The following FAM227B variants were observed in gnomAD, a reference collection of about 807,000 sequenced individuals.
FAM227B encodes the protein protein FAM227B.
A neutral mutation model predicts 73.8 loss-of-function variants in FAM227B; 88 were observed. That is an observed-to-expected ratio of 1.19 (90% CI 1.00 to 1.42). The LOEUF (loss-of-function observed/expected upper bound fraction) is 1.42, where lower values mean the gene tolerates loss of function less well. FAM227B is among the 40% of genes most tolerant of loss of function. The pLI is 0.00. For synonymous variants in FAM227B, 210 were observed against 190.5 expected (o/e 1.10, Z -0.84); for missense variants, 632 against 590.9 (o/e 1.07, Z -0.72).
intron 13 of FAM227B, among the ~76,000 whole-genome samples, chr15:49,358,891 T>A (rs2043669621): frequency 1.4e-5 from 2 of 147,860 alleles, no homozygotes; most frequent in South Asian, 4.3e-4. Flanking sequence ...AAAACAGAGA[T>A]ATAGATCAAT....
chr15:49,429,121 C>T (rs2050373383), intron 11 of FAM227B, among the ~76,000 whole-genome samples: 1 of 151,920 alleles, frequency 6.6e-6, no homozygotes, highest in Non-Finnish European at 1.5e-5. Flanking sequence ...AACAATAATT[C>T]ACATTATCAG....
At chr15:49,539,311 C>T (rs1406806515) in intron 10 of FAM227B, among the ~76,000 whole-genome samples, 1 of 152,194 alleles carries the variant, frequency 6.6e-6, no homozygotes, top group Admixed American at 6.5e-5. Flanking sequence ...TGGGATCTTA[C>T]TAATCTCTTT....
chr15:49,453,673 A>G (rs925610291), intron 11 of FAM227B, among the ~76,000 whole-genome samples: 1 of 152,152 alleles, frequency 6.6e-6, no homozygotes, highest in Admixed American at 6.6e-5. Context: ...CATGACTTCA[A>G]TTATGACCCA....
At chr15:49,610,837 G>A (rs1055387930) in intron 3 of FAM227B, among the ~76,000 whole-genome samples, 28 of 152,112 alleles carry the variant, frequency 1.8e-4, no homozygotes, top group African/African-American at 6.3e-4. Flanking sequence ...CAATAATCAA[G>A]GAATATTGAT....
intron 13 of FAM227B, among the ~76,000 whole-genome samples, chr15:49,341,469 C>T (rs370994868): frequency 7.2e-5 from 11 of 152,152 alleles, no homozygotes; most frequent in African/African-American, 2.7e-4. Flanking sequence ...GATCTTGCAC[C>T]TCCTGGGTTA....
At chr15:49,593,636 T>C (rs1598436436) in intron 3 of FAM227B, among the ~76,000 whole-genome samples, 1 of 151,930 alleles carries the variant, frequency 6.6e-6, no homozygotes, top group Non-Finnish European at 1.5e-5. Flanking sequence ...AACATTCTTA[T>C]GCTTTTGTGT....
chr15:49,373,581 C>G (rs2045977920), intron 11 of FAM227B, among the ~76,000 whole-genome samples: 1 of 152,076 alleles, frequency 6.6e-6, no homozygotes, highest in Non-Finnish European at 1.5e-5. Flanking sequence ...CTTACTAAGT[C>G]TCCAGAAATT....
chr15:49,515,830 C>T (rs1019905880), intron 10 of FAM227B, among the ~76,000 whole-genome samples: 1 of 152,156 alleles, frequency 6.6e-6, no homozygotes, highest in Non-Finnish European at 1.5e-5. Flanking sequence ...TTATACACTA[C>T]TTTCCCCTCT....
At chr15:49,465,388 G>A (rs904812523) in intron 11 of FAM227B, among the ~76,000 whole-genome samples, 2 of 150,838 alleles carry the variant, frequency 1.3e-5, no homozygotes, top group African/African-American at 2.4e-5. Context: ...TGCCCACCTC[G>A]GCCTCCCAAA....
In FAM227B at chr15:49,365,143, A is replaced by G. The variant is rs193211071; in HGVS notation, c.1271+2305T>C. On this transcript the variant is annotated intron_variant, in intron 13 of 15. Transcript: ENST00000299338. ...AATATTATTGCTGGACAATCTGTTC[A>G]CCAGACATCACAGGGTTTTCTTCGT... 2.6e-5 allele frequency: 19 copies of G among 736,322 alleles called. No homozygotes were observed. In the East Asian group the frequency reaches 4.2e-4, roughly 16 times the overall value. The allele number at this position is 736,322 out of a possible 1,614,324, so 45.6% of individuals were successfully genotyped here.
chr15:49,428,864 T>C (rs2050352836), intron 11 of FAM227B, among the ~76,000 whole-genome samples: 1 of 152,048 alleles, frequency 6.6e-6, no homozygotes, highest in Non-Finnish European at 1.5e-5. Context: ...TTTGGCAATA[T>C]TCTCTTTTGG....
chr15:49,344,722 T>C (rs1051230550), intron 13 of FAM227B, among the ~76,000 whole-genome samples: 1 of 152,190 alleles, frequency 6.6e-6, no homozygotes, highest in Non-Finnish European at 1.5e-5. Flanking sequence ...TTTCCATCTT[T>C]AGCTTTTTTC....
intron 3 of FAM227B, among the ~76,000 whole-genome samples, chr15:49,591,302 C>T (rs2076542993): frequency 6.6e-6 from 1 of 150,920 alleles, no homozygotes. Context: ...AATCACCTGA[C>T]CCCGTAATCC....
intron 11 of FAM227B, among the ~76,000 whole-genome samples, chr15:49,390,121 T>C (rs891943762): frequency 6.6e-6 from 1 of 151,938 alleles, no homozygotes; most frequent in African/African-American, 2.4e-5. Flanking sequence ...GGAAATGAAA[T>C]GAAGAAATTT....
chr15:49,387,797 T>G (rs533757014), intron 11 of FAM227B, among the ~76,000 whole-genome samples: 1 of 151,892 alleles, frequency 6.6e-6, no homozygotes, highest in South Asian at 2.1e-4. Flanking sequence ...GGTTTCAAAG[T>G]CAATGTACAA....
At chr15:49,335,389 A>T in intron 14 of FAM227B, 30 bp downstream of exon 14, 1 of 1,426,544 alleles carries the variant, frequency 7.0e-7, no homozygotes, top group Non-Finnish European at 9.9e-7. Context: ...GTATTATTTT[A>T]TATTTAACAA....
intron 11 of FAM227B, among the ~76,000 whole-genome samples, chr15:49,439,774 G>A (rs150898410): frequency 4.9e-4 from 74 of 151,754 alleles, no homozygotes; most frequent in African/African-American, 1.7e-3. Flanking sequence ...ACCCCACTTC[G>A]TAGCATTGAG....
In FAM227B at chr15:49,620,797, G is replaced by A. The variant is rs927346793; in HGVS notation, c.-170C>T. Reference sequence around the variant, plus strand: ...AACTGGGTGAAAGGCTGCGAGGCTTGAGGCGGGTCCCGGACGAACGCGGCC... The same window carrying A: ...AACTGGGTGAAAGGCTGCGAGGCTTAAGGCGGGTCCCGGACGAACGCGGCC... On this transcript the variant is annotated 5_prime_UTR_variant, in exon 1 of 16. Coordinates refer to ENST00000299338, the MANE Select transcript of FAM227B (RefSeq NM_152647.3). 6.6e-6 allele frequency: 1 copy of A among 152,364 alleles called. No homozygotes were observed. Among genetic ancestry groups the A allele is most frequent in the African/African-American group, 2.4e-5 (1 of 41,574 alleles). 9.4% of individuals were successfully genotyped at this position (152,364 alleles called of 1,614,324 possible).
intron 3 of FAM227B, among the ~76,000 whole-genome samples, chr15:49,610,769 T>A (rs1336658606): frequency 1.3e-5 from 2 of 152,164 alleles, no homozygotes; most frequent in Non-Finnish European, 2.9e-5. Context: ...TAATTTTGCA[T>A]AACAATGGAA....
Sources: allele counts gnomAD v4.1 joint callset (sites outside exome capture counted in the v4.1 genomes callset), GRCh38; gene constraint gnomAD v4.1.1; transcripts MANE v1.5; gene names NCBI Gene and HGNC (gene_info 2026-07-23, HGNC 2026-07-21).